Variants in GRID2 observed in about 807,000 individuals in gnomAD.
The protein encoded by GRID2 is glutamate ionotropic receptor delta type subunit 2.
Under a neutral mutation model 114.8 loss-of-function variants are expected in GRID2, and 33 were observed. The ratio of observed to expected loss-of-function variants is 0.29; its 90% CI spans 0.22 to 0.38. GRID2 has a LOEUF of 0.38. Among genes scored for constraint, GRID2 ranks in the 10% least tolerant of loss-of-function variants. The probability of loss-of-function intolerance (pLI) is 1.00; values close to 1 mark genes in which losing one functional copy is unlikely to be tolerated. For synonymous variants in GRID2, 505 were observed against 449.9 expected, an observed-to-expected ratio of 1.12 and a Z score of -1.55; for missense variants, 1,184 against 1,257.7, an observed-to-expected ratio of 0.94 and a Z score of 0.89.
At chr4:92,657,890 G>T (rs1052929868) in intron 2 of GRID2, among the ~76,000 whole-genome samples, 2 of 151,636 alleles carry the variant, frequency 1.3e-5, no homozygotes, top group Non-Finnish European at 3.0e-5. Flanking sequence ...GTGGCAAATT[G>T]AAATAACATG....
At chr4:93,554,941 G>A (rs536333518) in intron 13 of GRID2, among the ~76,000 whole-genome samples, 155 of 152,276 alleles carry the variant, frequency 1.0e-3, no homozygotes, top group African/African-American at 3.7e-3. Context: ...TAGACAGTGG[G>A]TCTAGCGTAC....
At chr4:93,573,186 C>A (rs1736091420) in intron 13 of GRID2, among the ~76,000 whole-genome samples, 1 of 152,176 alleles carries the variant, frequency 6.6e-6, no homozygotes, top group African/African-American at 2.4e-5. Context: ...TTGTTCTTTG[C>A]TACCTGTCAG....
At chr4:93,715,963 A>G (rs1338065505) in intron 14 of GRID2, among the ~76,000 whole-genome samples, 2 of 152,090 alleles carry the variant, frequency 1.3e-5, no homozygotes, top group African/African-American at 4.8e-5. Context: ...TTCCAATACC[A>G]CATTGAATAG....
chr4:93,082,238 T>G (rs2149318858), intron 2 of GRID2, among the ~76,000 whole-genome samples: 1 of 152,308 alleles, frequency 6.6e-6, no homozygotes, highest in South Asian at 2.1e-4. Context: ...TTCAACAAAC[T>G]TGACAATAAA....
At chr4:92,937,916 T>C (rs1049277620) in intron 2 of GRID2, among the ~76,000 whole-genome samples, 3 of 146,674 alleles carry the variant, frequency 2.0e-5, no homozygotes, top group Non-Finnish European at 4.5e-5. Flanking sequence ...AATGCTTGTC[T>C]TCTTCCTTAT....
intron 12 of GRID2, among the ~76,000 whole-genome samples, chr4:93,504,102 C>T (rs1035719512): frequency 6.6e-6 from 1 of 151,992 alleles, no homozygotes; most frequent in Non-Finnish European, 1.5e-5. Flanking sequence ...CTTATTTCTC[C>T]TAGTCTTTTA....
At chr4:93,618,569 A>G (rs1286922335) in intron 13 of GRID2, among the ~76,000 whole-genome samples, 1 of 152,206 alleles carries the variant, frequency 6.6e-6, no homozygotes, top group Non-Finnish European at 1.5e-5. Flanking sequence ...ACTCCAGGAT[A>G]GGGAGGTCTC....
At chr4:92,887,628 C>A (rs777644730) in intron 2 of GRID2, among the ~76,000 whole-genome samples, 21 of 152,122 alleles carry the variant, frequency 1.4e-4, no homozygotes, top group Non-Finnish European at 2.8e-4. Flanking sequence ...GATAATGGTG[C>A]TAGGACCAGG....
intron 8 of GRID2, among the ~76,000 whole-genome samples, chr4:93,354,509 G>A (rs542426239): frequency 1.3e-5 from 2 of 151,868 alleles, no homozygotes; most frequent in East Asian, 1.9e-4. Flanking sequence ...TGTTCCCTGA[G>A]GACAAAGATT....
At chr4:93,301,398 T>A (rs1454766674) in intron 8 of GRID2, among the ~76,000 whole-genome samples, 3 of 152,188 alleles carry the variant, frequency 2.0e-5, no homozygotes, top group African/African-American at 4.8e-5. Context: ...TTTCTCATAT[T>A]TTTTACTTTC....
chr4:93,592,173 G>T (rs11937168), intron 13 of GRID2, among the ~76,000 whole-genome samples: 33,929 of 151,646 alleles, frequency 0.22, 4,159 homozygotes, highest in Middle Eastern at 0.33. Flanking sequence ...AGATCTTTCC[G>T]GCTTTCTCTT....
chr4:93,777,996 G>A (rs1471043441), downstream of GRID2, among the ~76,000 whole-genome samples: 2 of 152,050 alleles, frequency 1.3e-5, no homozygotes, highest in Admixed American at 1.3e-4. Context: ...TATATGCAAA[G>A]ATAACCCATA....
At chr4:93,682,720 G>T (rs1388129562) in intron 14 of GRID2, among the ~76,000 whole-genome samples, 1 of 143,670 alleles carries the variant, frequency 7.0e-6, no homozygotes, top group Non-Finnish European at 1.5e-5. Flanking sequence ...TCATAGATGG[G>T]AATTGCACAA....
intron 2 of GRID2, among the ~76,000 whole-genome samples, chr4:92,687,921 G>A (rs1579844617): frequency 6.6e-6 from 1 of 151,584 alleles, no homozygotes; most frequent in East Asian, 1.9e-4. Context: ...GTCATGCCTC[G>A]ATGTTGATGG....
intron 2 of GRID2, among the ~76,000 whole-genome samples, chr4:92,844,341 C>T (rs958952074): frequency 6.6e-6 from 1 of 151,898 alleles, no homozygotes; most frequent in Non-Finnish European, 1.5e-5. Context: ...GAGTTTGAGA[C>T]CAGCCTGAAC....
In GRID2 at chr4:93,393,140, A is replaced by G. The variant is rs1765010698; in HGVS notation, c.1246-2467A>G. Among the ~76,000 whole-genome samples, 4 of 152,032 alleles carry G rather than the reference A, an allele frequency of 2.6e-5. No individual in the cohort carries two copies. The South Asian group carries it at 8.3e-4, about 31-fold the overall frequency. ...ATTTCTAGTTTTCCAGATAATCTGTATCCTAAACATTCTTTACTCCCAAAT... is the reference window on the plus strand; with the variant it reads ...ATTTCTAGTTTTCCAGATAATCTGTGTCCTAAACATTCTTTACTCCCAAAT... On this transcript the variant is annotated intron_variant, in intron 8 of 15. Coordinates refer to ENST00000282020, the MANE Select transcript of GRID2 (RefSeq NM_001510.4).
At chr4:93,061,058 G>A (rs1478030275) in intron 2 of GRID2, among the ~76,000 whole-genome samples, 1 of 151,602 alleles carries the variant, frequency 6.6e-6, no homozygotes, top group African/African-American at 2.4e-5. Context: ...AGCCAAAATT[G>A]CACCACTGCA....
intron 12 of GRID2, among the ~76,000 whole-genome samples, chr4:93,504,910 A>T (rs1728479468): frequency 6.6e-6 from 1 of 152,156 alleles, no homozygotes; most frequent in African/African-American, 2.4e-5. Flanking sequence ...CTAAAGGAGG[A>T]AAATGAAAAA....
chr4:92,482,881 A>G (rs921454075), intron 1 of GRID2, among the ~76,000 whole-genome samples: 4 of 152,184 alleles, frequency 2.6e-5, no homozygotes, highest in Non-Finnish European at 5.9e-5. Flanking sequence ...TCTAAATTCT[A>G]TGTCTATCAT....
Sources: gnomAD v4.1 joint callset for allele counts (sites outside exome capture counted in the v4.1 genomes callset) on GRCh38, gnomAD v4.1.1 for gene constraint, MANE v1.5 for transcripts, NCBI Gene and HGNC (gene_info 2026-07-23, HGNC 2026-07-21) for gene names.